Variants in SPC25 observed in about 807,000 individuals in gnomAD.
The protein encoded by SPC25 is kinetochore protein Spc25.
In SPC25, 22 loss-of-function variants were observed where a neutral mutation model predicts 29.6. That is an observed-to-expected ratio of 0.74 (90% CI 0.53 to 1.06). The LOEUF (loss-of-function observed/expected upper bound fraction) is 1.06. Ranked by LOEUF, SPC25 falls within the 50% of genes least tolerant of loss-of-function variation. The pLI, the probability that SPC25 is intolerant of heterozygous loss-of-function variation, is 0.00. For missense variants in SPC25, 230 were observed against 255.8 expected (o/e 0.90, Z 0.69); for synonymous variants, 91 against 90.4 (o/e 1.01, Z -0.04).
In SPC25 at chr2:168,861,956, T is replaced by G. The variant is rs769316240; in HGVS notation, n.419+11629A>C. ...CATACTAATTACAGCTTTATCTATT[T>G]CAGCCCCTGGTGCAGCCCAGCTCAG... is the stretch of plus-strand genomic sequence containing the variant. On this transcript the variant is annotated intron_variant and non_coding_transcript_variant, in intron 4 of 4. Transcript: ENST00000479309. The G allele has an allele frequency of 4.8e-5, 77 of 1,613,926 alleles. No homozygotes were observed. In the South Asian group the frequency reaches 8.3e-4, roughly 17 times the overall value.
rs1227465560 is a variant in SPC25, at chr2:168,889,218, T to TC, written c.199+7dup. On this transcript the variant is annotated splice_region_variant and intron_variant, in intron 3 of 6. Transcript: ENST00000282074. ...AAAAAACCCCATGATTTATACTTTT[T>TC]CACATACGATTTTGATATTCCAGAA... The TC allele has an allele frequency of 6.2e-7, 1 of 1,610,140 alleles. No homozygotes were observed. The highest frequency in any genetic ancestry group is 8.5e-7 in the Non-Finnish European group (1 of 1,178,590).
At chr2:168,885,994 C>T (rs1574365208) in intron 3 of SPC25, among the ~76,000 whole-genome samples, 3 of 152,118 alleles carry the variant, frequency 2.0e-5, no homozygotes, top group Admixed American at 2.0e-4. Flanking sequence ...GAACCAAACC[C>T]TCCAGATTCT....
At chr2:168,865,150 A>C in intron 4 of SPC25, 1 of 670,140 alleles carries the variant, frequency 1.5e-6, no homozygotes. Flanking sequence ...AAAAAGATGG[A>C]TGGGTGGAGA....
At chr2:168,875,928 A>T (rs1690076454) in intron 5 of SPC25, 144 bp downstream of exon 5, 2 of 458,776 alleles carry the variant, frequency 4.4e-6, no homozygotes, top group Middle Eastern at 5.6e-4. Context: ...CATTAGAATA[A>T]TTTAAAAATT....
chr2:168,868,558 T>C (rs1689915788), downstream of SPC25, among the ~76,000 whole-genome samples: 1 of 152,022 alleles, frequency 6.6e-6, no homozygotes, highest in East Asian at 1.9e-4. Flanking sequence ...CAAACTACCA[T>C]CAGAGAATAC....
At chr2:168,873,449 C>T (rs1464109781) in intron 6 of SPC25, 136 bp downstream of exon 6, 2 of 590,336 alleles carry the variant, frequency 3.4e-6, no homozygotes, top group East Asian at 2.8e-5. Flanking sequence ...GAAGACTATA[C>T]TCCAAGAAGC....
chr2:168,862,253 G>T (rs1214575487), intron 4 of SPC25, among the ~76,000 whole-genome samples: 2 of 152,232 alleles, frequency 1.3e-5, no homozygotes, highest in Non-Finnish European at 2.9e-5. Context: ...GTCAGACATT[G>T]TTGCAGGCCT....
chr2:168,870,616 T>C (rs1347392684), downstream of SPC25, among the ~76,000 whole-genome samples: 1 of 151,590 alleles, frequency 6.6e-6, no homozygotes, highest in African/African-American at 2.4e-5. Context: ...ATGCTCATCA[T>C]CACTGGCCAT....
intron 3 of SPC25, among the ~76,000 whole-genome samples, chr2:168,886,050 C>CTTT (rs66484575): frequency 5.2e-5 from 5 of 97,080 alleles, no homozygotes; most frequent in African/African-American, 1.6e-4. Context: ...CGAATACAAT[C>CTTT]TTTTTTTTTT....
intron 4 of SPC25, among the ~76,000 whole-genome samples, chr2:168,863,858 T>C (rs187388180): frequency 8.3e-4 from 126 of 151,904 alleles, no homozygotes; most frequent in African/African-American, 2.9e-3. Context: ...ATCAGCTACA[T>C]AGAAATAGAA....
At chr2:168,868,122 T>C (rs1353921523), downstream of SPC25, among the ~76,000 whole-genome samples, 1 of 152,066 alleles carries the variant, frequency 6.6e-6, no homozygotes, top group East Asian at 1.9e-4. Flanking sequence ...CATAACGAAA[T>C]GAAGGCAGAA....
At position 168,890,366 on chromosome 2, in the gene SPC25, G is replaced by A. The variant is rs886172898; in HGVS notation, c.-63C>T. 89 of 985,254 alleles carry A rather than the reference G, an allele frequency of 9.0e-5. No individual in the cohort carries two copies. The highest frequency in any genetic ancestry group is 1.0e-4 in the African/African-American group (6 of 57,210). The allele number at this position is 985,254 out of a possible 1,614,324, so 61.0% of individuals were successfully genotyped here. A position where few individuals can be genotyped will look rare whatever the true frequency, so the allele number is the denominator to read the frequency against. Reference sequence around the variant, plus strand: ...GCCGCCTTCCCCACACCAGATCCGCGCCCACTCTAGCCAACAGCCGGACTC... The same window carrying A: ...GCCGCCTTCCCCACACCAGATCCGCACCCACTCTAGCCAACAGCCGGACTC... On this transcript the variant is annotated 5_prime_UTR_variant, in exon 1 of 7. Transcript: ENST00000282074.
intron 4 of SPC25, chr2:168,863,236 G>A: frequency 4.4e-6 from 1 of 229,418 alleles, no homozygotes; most frequent in Non-Finnish European, 7.2e-6. Flanking sequence ...TTATTTGTTT[G>A]AATTCTTGTT....
At chr2:168,865,086 TACCTGCATGTCACAGCA>T in intron 4 of SPC25, 1 of 1,089,410 alleles carries the variant, frequency 9.2e-7, no homozygotes, top group Non-Finnish European at 1.3e-6. Context: ...GATGGAGTTC[TACCTGCATGTCACAGCA>T]CTTTGCATTC....
chr2:168,885,886 T>C (rs571767637), intron 3 of SPC25, among the ~76,000 whole-genome samples: 98 of 152,268 alleles, frequency 6.4e-4, no homozygotes, highest in African/African-American at 2.3e-3. Context: ...GTTGTGAGGA[T>C]TCATGAGTCA....
chr2:168,870,496 C>A (rs1383115944), downstream of SPC25, among the ~76,000 whole-genome samples: 1 of 151,650 alleles, frequency 6.6e-6, no homozygotes, highest in Admixed American at 6.6e-5. Context: ...ACAATGAACT[C>A]AAACAAATTT....
intron 3 of SPC25, among the ~76,000 whole-genome samples, chr2:168,888,860 C>T (rs933090117): frequency 6.9e-6 from 1 of 144,776 alleles, no homozygotes; most frequent in Non-Finnish European, 1.5e-5. Context: ...CTCCTGAGCT[C>T]GAGGGATCCA....
chr2:168,869,859 T>G (rs997301354), downstream of SPC25, among the ~76,000 whole-genome samples: 1 of 151,804 alleles, frequency 6.6e-6, no homozygotes, highest in Admixed American at 6.6e-5. Flanking sequence ...AAAACTACTT[T>G]AAAGTTCATA....
At chr2:168,863,719 A>C in intron 4 of SPC25, 1 of 907,408 alleles carries the variant, frequency 1.1e-6, no homozygotes, top group Non-Finnish European at 1.3e-6. Flanking sequence ...ATGCAGAGAC[A>C]TTGTCTTGAT....
Sources: gnomAD v4.1 joint callset for allele counts (sites outside exome capture counted in the v4.1 genomes callset) on GRCh38, gnomAD v4.1.1 for gene constraint, MANE v1.5 for transcripts, NCBI Gene and HGNC (gene_info 2026-07-23, HGNC 2026-07-21) for gene names.